The following BANK1 variants were observed in gnomAD, a reference collection of about 807,000 sequenced individuals.
BANK1 encodes B-cell scaffold protein with ankyrin repeats.
Under a neutral mutation model 94.5 loss-of-function variants are expected in BANK1, and 95 were observed. The observed-to-expected ratio is 1.00, with a 90% CI of 0.85 to 1.19. BANK1 has a LOEUF of 1.19. Ranked by LOEUF, BANK1 falls within the 50% of genes most tolerant of loss-of-function variation. The probability of loss-of-function intolerance (pLI) is 0.00; values close to 1 mark genes in which losing one functional copy is unlikely to be tolerated. For missense variants in BANK1, 987 were observed against 932.2 expected, an observed-to-expected ratio of 1.06 and a Z score of -0.77; for synonymous variants, 334 against 308.4, an observed-to-expected ratio of 1.08 and a Z score of -0.87.
At chr4:101,827,945 A>G (rs996839478) in intron 1 of BANK1, among the ~76,000 whole-genome samples, 1 of 152,064 alleles carries the variant, frequency 6.6e-6, no homozygotes, top group Admixed American at 6.5e-5. Context: ...AAAACATAAG[A>G]TAAGTATTTG....
chr4:101,915,066 T>C (rs1467262780), intron 6 of BANK1, among the ~76,000 whole-genome samples: 2 of 152,152 alleles, frequency 1.3e-5, no homozygotes, highest in Non-Finnish European at 2.9e-5. Context: ...TGCCTTAAGG[T>C]GTTACAAACA....
At chr4:101,892,799 ATG>A (rs1721925846) in intron 5 of BANK1, among the ~76,000 whole-genome samples, 1 of 151,974 alleles carries the variant, frequency 6.6e-6, no homozygotes, top group Non-Finnish European at 1.5e-5. Flanking sequence ...ATTCTAATTT[ATG>A]TCATTTTAAA....
At chr4:102,022,508 G>T (rs1209138511) in intron 8 of BANK1, among the ~76,000 whole-genome samples, 1 of 152,120 alleles carries the variant, frequency 6.6e-6, no homozygotes, top group Non-Finnish European at 1.5e-5. Flanking sequence ...ATAACACAGT[G>T]GAGAACTGGA....
intron 5 of BANK1, among the ~76,000 whole-genome samples, chr4:101,875,633 G>A (rs1044108210): frequency 6.6e-6 from 1 of 152,016 alleles, no homozygotes; most frequent in Non-Finnish European, 1.5e-5. Flanking sequence ...AGATACATGG[G>A]GATTACAATT....
chr4:101,880,927 T>C (rs978721284), intron 5 of BANK1, among the ~76,000 whole-genome samples: 2 of 152,088 alleles, frequency 1.3e-5, no homozygotes, highest in Admixed American at 6.6e-5. Flanking sequence ...CAAATCAAAA[T>C]GGATTAGAGA....
chr4:102,041,660 C>A (rs968229423), intron 10 of BANK1, among the ~76,000 whole-genome samples: 2 of 151,900 alleles, frequency 1.3e-5, no homozygotes, highest in Non-Finnish European at 2.9e-5. Context: ...TTTAAAGAGT[C>A]GTATTATCAG....
chr4:101,943,904 T>G (rs1343929325), intron 7 of BANK1, among the ~76,000 whole-genome samples: 2 of 151,882 alleles, frequency 1.3e-5, no homozygotes, highest in Non-Finnish European at 2.9e-5. Flanking sequence ...CCATCTTTAG[T>G]CTTTCGTGTC....
rs749627068 is a variant in BANK1 at position 102,025,339 on chromosome 4, T to C, written c.1424T>C (p.Val475Ala). ...GAGACCAAACACAGCCCACTAGAGG[T>C]TGGCAGTGAGAGTTCTGAAGACCAG... ...GMETKHSPLE[V>A]GSESSEDQYD... Residue 475 changes from valine to alanine, a missense_variant, in exon 9 of 17, where the codon GTT (valine) becomes GCT (alanine). Transcript: ENST00000322953. 1.2e-6 allele frequency: 2 copies of C among 1,613,912 alleles called. No homozygotes were observed. Among genetic ancestry groups the C allele is most frequent in the Non-Finnish European group, 1.7e-6 (2 of 1,179,984 alleles).
At chr4:101,861,320 A>G (rs1436611945) in intron 3 of BANK1, among the ~76,000 whole-genome samples, 2 of 152,206 alleles carry the variant, frequency 1.3e-5, no homozygotes, top group Non-Finnish European at 2.9e-5. Flanking sequence ...TGTAAGTTTT[A>G]TTGGTGAGTA....
At chr4:101,793,867 C>T (rs1013237850) in intron 1 of BANK1, among the ~76,000 whole-genome samples, 6 of 151,968 alleles carry the variant, frequency 3.9e-5, no homozygotes, top group African/African-American at 1.4e-4. Context: ...GGTCATTGAT[C>T]AGTAGTGTCA....
At chr4:101,924,609 G>C (rs1170744715) in intron 7 of BANK1, among the ~76,000 whole-genome samples, 2 of 151,748 alleles carry the variant, frequency 1.3e-5, no homozygotes, top group Non-Finnish European at 2.9e-5. Context: ...AGGGGAGCAG[G>C]CATCACTGGG....
intron 7 of BANK1, among the ~76,000 whole-genome samples, chr4:101,927,828 A>G (rs1023710496): frequency 2.6e-5 from 4 of 151,640 alleles, no homozygotes; most frequent in Admixed American, 6.6e-5. Context: ...AATGCCTACT[A>G]TGTTCCAAAG....
chr4:101,797,546 T>G (rs1280399857), intron 1 of BANK1, among the ~76,000 whole-genome samples: 1 of 152,092 alleles, frequency 6.6e-6, no homozygotes, highest in African/African-American at 2.4e-5. Context: ...CAGGGAGAAG[T>G]GGACAGATTT....
At chr4:102,019,467 A>G (rs1726818166) in intron 7 of BANK1, among the ~76,000 whole-genome samples, 1 of 152,230 alleles carries the variant, frequency 6.6e-6, no homozygotes, top group Non-Finnish European at 1.5e-5. Flanking sequence ...CAAACTGATG[A>G]CATAGATATT....
At chr4:101,944,935 G>A (rs183596073) in intron 7 of BANK1, among the ~76,000 whole-genome samples, 16 of 151,964 alleles carry the variant, frequency 1.1e-4, no homozygotes, top group African/African-American at 3.6e-4. Flanking sequence ...AAGCAAGTGT[G>A]TGCGGAAAAT....
chr4:102,018,669 A>G (rs779869623), intron 7 of BANK1, among the ~76,000 whole-genome samples: 3 of 152,212 alleles, frequency 2.0e-5, no homozygotes, highest in Non-Finnish European at 4.4e-5. Flanking sequence ...ATGTTCAGCT[A>G]ATAGATTCTG....
At chr4:101,964,510 T>G in intron 7 of BANK1, among the ~76,000 whole-genome samples, 1 of 152,106 alleles carries the variant, frequency 6.6e-6, no homozygotes, top group Admixed American at 6.6e-5. Flanking sequence ...ATAATTTAAT[T>G]TTATATTTTA....
chr4:101,891,564 T>A (rs1300272228), intron 5 of BANK1, among the ~76,000 whole-genome samples: 1 of 152,178 alleles, frequency 6.6e-6, no homozygotes, highest in East Asian at 1.9e-4. Context: ...TATTTCCTTG[T>A]GTGCTTTTTC....
At chr4:101,849,461 T>C (rs954793599) in intron 2 of BANK1, among the ~76,000 whole-genome samples, 1 of 152,046 alleles carries the variant, frequency 6.6e-6, no homozygotes, top group Admixed American at 6.6e-5. Context: ...ACAATGAACA[T>C]ACAGTGGTGG....
Sources: allele counts gnomAD v4.1 joint callset (sites outside exome capture counted in the v4.1 genomes callset), GRCh38; gene constraint gnomAD v4.1.1; transcripts MANE v1.5; gene names NCBI Gene and HGNC (gene_info 2026-07-23, HGNC 2026-07-21).